Variants in GFOD1 observed in about 807,000 individuals in gnomAD.
The protein encoded by GFOD1 is glucose-fructose oxidoreductase domain-containing protein 1.
GFOD1 carries 9 observed loss-of-function variants against 25.4 expected under a neutral mutation model. The observed-to-expected ratio is 0.35, with a 90% confidence interval of 0.21 to 0.62. GFOD1 has a LOEUF of 0.62. Ranked by LOEUF, GFOD1 falls within the 20% of genes least tolerant of loss-of-function variation. GFOD1 has a pLI of 0.72. For missense variants in GFOD1, 403 were observed against 556.9 expected (o/e 0.72, Z 2.78); for synonymous variants, 253 against 245.6 (o/e 1.03, Z -0.28).
intron 1 of GFOD1, among the ~76,000 whole-genome samples, chr6:13,464,861 CGTGTGTGTGTGTGTGTGTGTGTGTGTGT>C (rs36218477): frequency 5.4e-5 from 8 of 146,870 alleles, no homozygotes; most frequent in Admixed American, 2.7e-4. Flanking sequence ...TTCCTCTTTC[CGTGTGTGTGTGTGTGTGTGTGTGTGTGT>C]GTGTGTGTGT....
chr6:13,470,753 G>A (rs571095128), intron 1 of GFOD1: 15 of 1,331,014 alleles, frequency 1.1e-5, no homozygotes, highest in Non-Finnish European at 1.5e-5. Flanking sequence ...TAAATAACAA[G>A]TACTCTAAAA....
chr6:13,371,785 C>T (rs1785159081), intron 1 of GFOD1, among the ~76,000 whole-genome samples: 1 of 152,176 alleles, frequency 6.6e-6, no homozygotes, highest in African/African-American at 2.4e-5. Context: ...GAGGGTCACT[C>T]TGCTGCATCC....
chr6:13,395,179 A>G (rs1302605926), intron 1 of GFOD1, among the ~76,000 whole-genome samples: 1 of 152,224 alleles, frequency 6.6e-6, no homozygotes, highest in African/African-American at 2.4e-5. Context: ...CAGTTCAAAA[A>G]TACATAGATA....
In GFOD1 at chr6:13,365,622, C is replaced by T; in HGVS notation, c.294G>A (p.Pro98=). ...CCGAGGTCATGCGGAAAGCGTCCAGCGGCGTGGCCGTGCGGTCGCAGATGA... is the reference window on the plus strand; with the variant it reads ...CCGAGGTCATGCGGAAAGCGTCCAGTGGCGTGGCCGTGCGGTCGCAGATGA... ...KNVICDRTAT[P]LDAFRMTSAA... is the part of the protein sequence containing the mutation. Residue 98 remains proline (P), a synonymous_variant, in exon 2 of 2, where the codon CCG becomes CCA. Coordinates refer to ENST00000379287, the MANE Select transcript of GFOD1 (RefSeq NM_018988.4). The surrounding 1 kb of genome is among the most constrained non-coding windows in gnomAD (Gnocchi z 9.2). The T allele has an allele frequency of 7.5e-6, 12 of 1,600,640 alleles. No homozygotes were observed. The highest frequency in any genetic ancestry group is 5.5e-5 in the South Asian group (5 of 91,050).
chr6:13,452,051 G>C (rs1424627792), intron 1 of GFOD1, among the ~76,000 whole-genome samples: 1 of 152,148 alleles, frequency 6.6e-6, no homozygotes, highest in Admixed American at 6.5e-5. Context: ...AAAAGTGAAT[G>C]GTCAAAGAGA....
intron 1 of GFOD1, among the ~76,000 whole-genome samples, chr6:13,418,332 T>C (rs2127567625): frequency 6.6e-6 from 1 of 152,314 alleles, no homozygotes; most frequent in Admixed American, 6.5e-5. Context: ...TCTCATTAAT[T>C]ACCCTCCGGA....
intron 1 of GFOD1, among the ~76,000 whole-genome samples, chr6:13,404,421 T>G (rs886301641): frequency 6.6e-6 from 1 of 152,222 alleles, no homozygotes; most frequent in South Asian, 2.1e-4. Flanking sequence ...ATGTGTATGA[T>G]GAAGTTTTAT....
intron 1 of GFOD1, among the ~76,000 whole-genome samples, chr6:13,370,442 C>T (rs964728667): frequency 4.6e-5 from 7 of 152,044 alleles, no homozygotes; most frequent in Non-Finnish European, 7.4e-5. Flanking sequence ...CTTCCAGTTC[C>T]AAAAGGAACC....
chr6:13,392,515 G>A (rs1041770070), intron 1 of GFOD1, among the ~76,000 whole-genome samples: 4 of 151,810 alleles, frequency 2.6e-5, no homozygotes, highest in Admixed American at 2.6e-4. Flanking sequence ...AAGAGTTTTG[G>A]TATTTCAAAT....
chr6:13,486,369 G>A, intron 1 of GFOD1: 1 of 550,740 alleles, frequency 1.8e-6, no homozygotes, highest in Non-Finnish European at 3.2e-6. Flanking sequence ...CGGATCCCCG[G>A]AACACACGCC....
At chr6:13,445,956 C>T (rs1333138768) in intron 1 of GFOD1, among the ~76,000 whole-genome samples, 1 of 152,128 alleles carries the variant, frequency 6.6e-6, no homozygotes, top group East Asian at 1.9e-4. Flanking sequence ...CAACCTTGAT[C>T]AGAAGGAGAG....
At chr6:13,398,246 TG>T (rs1265402367) in intron 1 of GFOD1, among the ~76,000 whole-genome samples, 17 of 152,238 alleles carry the variant, frequency 1.1e-4, no homozygotes, top group African/African-American at 4.1e-4. Context: ...GTACATACCT[TG>T]CACATTAGTC....
At chr6:13,457,299 A>G (rs1040115752) in intron 1 of GFOD1, among the ~76,000 whole-genome samples, 1 of 152,196 alleles carries the variant, frequency 6.6e-6, no homozygotes, top group African/African-American at 2.4e-5. Flanking sequence ...GTTCTACAAT[A>G]TCCCAAACTG....
At chr6:13,399,550 G>C (rs1785802692) in intron 1 of GFOD1, among the ~76,000 whole-genome samples, 1 of 152,168 alleles carries the variant, frequency 6.6e-6, no homozygotes, top group Non-Finnish European at 1.5e-5. Context: ...CAGCAGTAAA[G>C]ATAAATGAAC....
At chr6:13,479,223 T>A (rs529015366) in intron 1 of GFOD1, among the ~76,000 whole-genome samples, 2 of 152,198 alleles carry the variant, frequency 1.3e-5, no homozygotes, top group Non-Finnish European at 2.9e-5. Flanking sequence ...AAGAACTAAC[T>A]GCATTAGGGC....
intron 1 of GFOD1, among the ~76,000 whole-genome samples, chr6:13,382,629 T>C (rs1785390042): frequency 6.6e-6 from 1 of 152,220 alleles, no homozygotes; most frequent in South Asian, 2.1e-4. Flanking sequence ...TTGTGGATTT[T>C]CATGTAACCA....
At chr6:13,409,922 CAAAAAAAAA>C (rs757548005) in intron 1 of GFOD1, among the ~76,000 whole-genome samples, 1 of 72,084 alleles carries the variant, frequency 1.4e-5, no homozygotes, top group Non-Finnish European at 3.3e-5. Flanking sequence ...GGCTCCATTT[CAAAAAAAAA>C]AAAAAAAAAG....
intron 1 of GFOD1, among the ~76,000 whole-genome samples, chr6:13,432,274 T>C (rs1757763314): frequency 6.6e-6 from 1 of 151,642 alleles, no homozygotes; most frequent in Non-Finnish European, 1.5e-5. Context: ...AATGCAGTTG[T>C]GCAATCATGG....
intron 1 of GFOD1, among the ~76,000 whole-genome samples, chr6:13,406,535 G>T (rs1785951323): frequency 6.6e-6 from 1 of 152,196 alleles, no homozygotes; most frequent in South Asian, 2.1e-4. Context: ...GAGAGCGAGA[G>T]CACAATCGAG....
Sources: gnomAD v4.1 joint callset for allele counts (sites outside exome capture counted in the v4.1 genomes callset) on GRCh38, gnomAD v4.1.1 for gene constraint, Gnocchi (gnomAD v3.1) non-coding constraint, MANE v1.5 for transcripts, NCBI Gene and HGNC (gene_info 2026-07-23, HGNC 2026-07-21) for gene names.